SIPA1L1: variants seen among roughly 807,000 people sequenced by gnomAD.
SIPA1L1 encodes signal induced proliferation associated 1 like 1.
In SIPA1L1, 26 loss-of-function variants were observed where a neutral mutation model predicts 162.7. That is an observed-to-expected ratio of 0.16 (90% CI 0.12 to 0.22). SIPA1L1 has a LOEUF of 0.22. Ranked by LOEUF, SIPA1L1 falls within the 10% of genes least tolerant of loss-of-function variation. The probability of loss-of-function intolerance (pLI) is 1.00; values close to 1 mark genes in which losing one functional copy is unlikely to be tolerated. For synonymous variants in SIPA1L1, 829 were observed against 837.4 expected (o/e 0.99, Z 0.17); for missense variants, 1,874 against 2,241.0 (o/e 0.84, Z 3.31).
chr14:71,466,744 A>G (rs1057184562), intron 2 of SIPA1L1, among the ~76,000 whole-genome samples: 3 of 152,198 alleles, frequency 2.0e-5, no homozygotes, highest in African/African-American at 4.8e-5. Context: ...AGGGTTTGCC[A>G]CTATTTCTGA....
rs8017465 is a variant in SIPA1L1, at chr14:71,650,439, T to C, written c.1923T>C (p.Phe641=). 1,441,551 of 1,613,996 alleles carry C rather than the reference T, an allele frequency of 0.89. 645,036 individuals carry two copies. The highest frequency in any genetic ancestry group is 1 in the East Asian group (44,863 of 44,872). Residue 641 remains phenylalanine (F), a synonymous_variant, in exon 8 of 24, where the codon TTT becomes TTC. Coordinates refer to ENST00000381232, the MANE Select transcript of SIPA1L1 (RefSeq NM_001386936.1). The part of the protein sequence containing the change: ...NESAGPAFEE[F]LQLLGERVRL... Reference sequence around the variant, plus strand: ...CAGCTGGCCCAGCCTTTGAAGAATTTCTTCAACTATTGGGAGAGCGAGTTC... The same window carrying C: ...CAGCTGGCCCAGCCTTTGAAGAATTCCTTCAACTATTGGGAGAGCGAGTTC...
intron 2 of SIPA1L1, among the ~76,000 whole-genome samples, chr14:71,428,446 C>A (rs772680270): frequency 3.3e-5 from 5 of 150,752 alleles, no homozygotes; most frequent in Non-Finnish European, 5.9e-5. Flanking sequence ...GATGATCAAT[C>A]TGATGTGTAA....
At chr14:71,714,369 TG>T (rs1188007010) in intron 17 of SIPA1L1, among the ~76,000 whole-genome samples, 6 of 152,196 alleles carry the variant, frequency 3.9e-5, no homozygotes, top group Non-Finnish European at 8.8e-5. Flanking sequence ...TTTTTTGCTT[TG>T]TTCTATGAAG....
chr14:71,454,570 G>C (rs968785112), intron 2 of SIPA1L1, among the ~76,000 whole-genome samples: 4 of 152,118 alleles, frequency 2.6e-5, no homozygotes, highest in Non-Finnish European at 4.4e-5. Context: ...TTAATTGAAG[G>C]CTTCTGCTTT....
intron 2 of SIPA1L1, among the ~76,000 whole-genome samples, chr14:71,373,025 T>C (rs2039031955): frequency 6.6e-6 from 1 of 152,118 alleles, no homozygotes; most frequent in African/African-American, 2.4e-5. Context: ...ATGTTACCAG[T>C]GTTGGGCTGG....
intron 5 of SIPA1L1, among the ~76,000 whole-genome samples, chr14:71,618,435 G>A (rs962231464): frequency 1.3e-5 from 2 of 152,182 alleles, no homozygotes; most frequent in Non-Finnish European, 2.9e-5. Flanking sequence ...CTTAGGCAAG[G>A]AAGTGTGCAC....
At position 71,607,656 on chromosome 14, in the gene SIPA1L1, T is replaced by G. The variant is rs529661485; in HGVS notation, c.1499-11101T>G. Among the ~76,000 whole-genome samples, 6 of 152,274 alleles carry G rather than the reference T, an allele frequency of 3.9e-5. No individual in the cohort carries two copies. In the East Asian group the frequency reaches 1.2e-3, roughly 29 times the overall value. On this transcript the variant is annotated intron_variant, in intron 5 of 23. Coordinates refer to ENST00000381232, the MANE Select transcript of SIPA1L1 (RefSeq NM_001386936.1). ...TAAGGAAATTCCAGAGTCCCTCCCT[T>G]TGCTTTCAGGGGAGAAACTAGAGAA...
chr14:71,715,900 A>G (rs1214173221), intron 17 of SIPA1L1, among the ~76,000 whole-genome samples: 1 of 152,210 alleles, frequency 6.6e-6, no homozygotes, highest in Non-Finnish European at 1.5e-5. Context: ...TAAAATGATA[A>G]TGTTCATAGA....
chr14:71,724,849 C>T lies in SIPA1L1; in HGVS notation c.4614+14C>T. Reference sequence around the variant, plus strand: ...AAGAGTTTTAAGGTACAAGACAGAGCTCAGGGTAGATGGCAATTAGAAACA... The same window carrying T: ...AAGAGTTTTAAGGTACAAGACAGAGTTCAGGGTAGATGGCAATTAGAAACA... On this transcript the variant is annotated intron_variant, in intron 19 of 23. Coordinates refer to ENST00000381232, the MANE Select transcript of SIPA1L1 (RefSeq NM_001386936.1). 6.2e-7 allele frequency: 1 copy of T among 1,609,390 alleles called. No individual in the cohort carries two copies. The highest frequency in any genetic ancestry group is 8.5e-7 in the Non-Finnish European group (1 of 1,177,816).
chr14:71,330,445 A>G (rs1241499456), intron 2 of SIPA1L1: 11 of 1,587,340 alleles, frequency 6.9e-6, no homozygotes, highest in South Asian at 4.4e-5. Flanking sequence ...GCTGTGCTCA[A>G]TATCTTGGAA....
chr14:71,539,457 C>T (rs1021552723), intron 4 of SIPA1L1, among the ~76,000 whole-genome samples: 2 of 152,146 alleles, frequency 1.3e-5, no homozygotes, highest in Admixed American at 1.3e-4. Flanking sequence ...ACAAATATGA[C>T]ATATATTGCA....
At chr14:71,636,690 A>G (rs1237594635) in intron 7 of SIPA1L1, among the ~76,000 whole-genome samples, 1 of 152,244 alleles carries the variant, frequency 6.6e-6, no homozygotes, top group Non-Finnish European at 1.5e-5. Flanking sequence ...GAAATGGTAT[A>G]GATCAGAAAT....
intron 4 of SIPA1L1, among the ~76,000 whole-genome samples, chr14:71,538,373 G>T (rs778313404): frequency 4.6e-5 from 7 of 152,128 alleles, no homozygotes; most frequent in Non-Finnish European, 8.8e-5. Context: ...TCTAGAGGTG[G>T]TATGGAGCCA....
At chr14:71,576,421 T>C (rs146000395) in intron 4 of SIPA1L1, 1 of 152,306 alleles carries the variant, frequency 6.6e-6, no homozygotes, top group Non-Finnish European at 1.5e-5. Flanking sequence ...TGGAAACAGA[T>C]TATTGAACAA....
chr14:71,324,251 T>A (rs2033515867), intron 2 of SIPA1L1, among the ~76,000 whole-genome samples: 1 of 152,250 alleles, frequency 6.6e-6, no homozygotes, highest in African/African-American at 2.4e-5. Flanking sequence ...TTTGACTCAT[T>A]TGGCTCATGT....
chr14:71,618,433 A>G lies in SIPA1L1; in HGVS notation c.1499-324A>G, dbSNP rs542254216. On this transcript the variant is annotated intron_variant, in intron 5 of 23. Transcript: ENST00000381232. ...CCTGGCACAAGCCTTCTCTTAGGCA[A>G]GGAAGTGTGCACAAATGTAGCCTAT... Among the ~76,000 whole-genome samples the G allele has an allele frequency of 3.3e-5, 5 of 152,376 alleles. No homozygotes were observed. The South Asian group carries it at 8.3e-4, about 25-fold the overall frequency.
rs2044622910 is a variant in SIPA1L1 at position 71,672,413 on chromosome 14, C to T, written c.2895C>T (p.Gly965=). Residue 965 remains glycine, a synonymous_variant, in exon 12 of 24, where the codon GGC becomes GGT. Transcript: ENST00000381232. ...TLRRNGLGQL[G]FHVNYEGIVA... ...GAAGAAATGGGCTAGGACAGCTTGGCTTCCATGTCAACTATGAGGGCATTG... is the reference window on the plus strand; with the variant it reads ...GAAGAAATGGGCTAGGACAGCTTGGTTTCCATGTCAACTATGAGGGCATTG... 1 of 1,614,130 alleles carries T rather than the reference C, an allele frequency of 6.2e-7. No individual in the cohort carries two copies.
intron 2 of SIPA1L1, among the ~76,000 whole-genome samples, chr14:71,466,094 A>G (rs1446776459): frequency 6.6e-6 from 1 of 152,166 alleles, no homozygotes; most frequent in African/African-American, 2.4e-5. Flanking sequence ...AATCCAATCA[A>G]GTTGACACTC....
intron 10 of SIPA1L1, among the ~76,000 whole-genome samples, chr14:71,669,697 C>T (rs1404550135): frequency 2.0e-5 from 3 of 152,118 alleles, no homozygotes; most frequent in African/African-American, 7.2e-5. Flanking sequence ...TCTCTGAATT[C>T]TCTCCTCCAG....
Sources: allele counts gnomAD v4.1 joint callset (sites outside exome capture counted in the v4.1 genomes callset), GRCh38; gene constraint gnomAD v4.1.1; transcripts MANE v1.5; gene names NCBI Gene and HGNC (gene_info 2026-07-23, HGNC 2026-07-21).